ATL1: variants seen among roughly 807,000 people sequenced by gnomAD.
ATL1 encodes the protein atlastin GTPase 1, also known as atlastin-1.
In ATL1, 31 loss-of-function variants were observed where a neutral mutation model predicts 75.5. That is an observed-to-expected ratio of 0.41 (90% CI 0.31 to 0.55). ATL1 has a LOEUF of 0.55. Among genes scored for constraint, ATL1 ranks in the 20% least tolerant of loss-of-function variants. ATL1 has a pLI of 0.27. For missense variants in ATL1, 405 were observed against 662.6 expected (o/e 0.61, Z 4.27); for synonymous variants, 226 against 233.3 (o/e 0.97, Z 0.28).
chr14:50,562,076 G>T (rs2038852423), intron 1 of ATL1, among the ~76,000 whole-genome samples: 1 of 150,730 alleles, frequency 6.6e-6, no homozygotes, highest in Non-Finnish European at 1.5e-5. Flanking sequence ...ATGGAGTCTT[G>T]CTCTGTCGCC....
At chr14:50,591,420 T>C (rs2039156802) in intron 3 of ATL1, 115 bp from the exon 4 acceptor site, 4 of 719,038 alleles carry the variant, frequency 5.6e-6, no homozygotes, top group Non-Finnish European at 9.5e-6. Flanking sequence ...TAAGAAATTA[T>C]CTAAAATAGT....
chr14:50,595,489 C>A, intron 5 of ATL1, 87 bp from the exon 6 acceptor site: 1 of 1,251,858 alleles, frequency 8.0e-7, no homozygotes, highest in Non-Finnish European at 1.2e-6. Flanking sequence ...GAAAGAAAGC[C>A]AAGAATTAAA....
upstream of ATL1, chr14:50,559,547 A>G (rs556109114): frequency 1.2e-3 from 181 of 152,374 alleles, no homozygotes; most frequent in South Asian, 4.6e-3. Flanking sequence ...ATAGGTCTGG[A>G]CCTTATCTTT....
At chr14:50,596,065 A>T (rs1364195424) in intron 6 of ATL1, among the ~76,000 whole-genome samples, 1 of 152,228 alleles carries the variant, frequency 6.6e-6, no homozygotes, top group Non-Finnish European at 1.5e-5. Flanking sequence ...GATCAGGCAC[A>T]TACTAAGTGA....
upstream of ATL1, among the ~76,000 whole-genome samples, chr14:50,555,247 A>G (rs2038751348): frequency 6.9e-6 from 1 of 144,928 alleles, no homozygotes; most frequent in South Asian, 2.3e-4. Context: ...GGCATGAAGA[A>G]CTTTAGTTCC....
intron 12 of ATL1, 123 bp downstream of exon 12, chr14:50,628,585 G>A (rs1483092875): frequency 1.0e-6 from 1 of 962,866 alleles, no homozygotes; most frequent in African/African-American, 1.6e-5. Flanking sequence ...CATCAAGAAT[G>A]TTATGACCTG....
intron 6 of ATL1, among the ~76,000 whole-genome samples, chr14:50,605,346 A>G (rs577602246): frequency 7.2e-4 from 109 of 152,102 alleles, no homozygotes; most frequent in African/African-American, 2.5e-3. Context: ...AAGGACCACA[A>G]ATTTGTCTTG....
chr14:50,581,033 T>A (rs1475513562), intron 1 of ATL1, among the ~76,000 whole-genome samples: 3 of 151,908 alleles, frequency 2.0e-5, no homozygotes, highest in Non-Finnish European at 4.4e-5. Flanking sequence ...ATCTATAGTA[T>A]CTTTTTTTAT....
intron 1 of ATL1, among the ~76,000 whole-genome samples, chr14:50,568,020 A>G (rs115563284): frequency 0.012 from 1,790 of 152,232 alleles, 34 homozygotes; most frequent in African/African-American, 0.041. Flanking sequence ...GTGTTGTTCA[A>G]GTTCTCTATT....
intron 1 of ATL1, among the ~76,000 whole-genome samples, chr14:50,537,683 G>A (rs989948021): frequency 1.1e-4 from 17 of 152,364 alleles, no homozygotes; most frequent in African/African-American, 4.1e-4. Context: ...TGACTTAGAT[G>A]TGAGACATGG....
intron 1 of ATL1, among the ~76,000 whole-genome samples, chr14:50,581,961 A>G (rs887178239): frequency 1.3e-5 from 2 of 152,194 alleles, no homozygotes; most frequent in African/African-American, 2.4e-5. Flanking sequence ...TGGTACTAAT[A>G]TCACAATAGC....
At chr14:50,547,030 G>C (rs1217069441) in intron 1 of ATL1, among the ~76,000 whole-genome samples, 6 of 152,066 alleles carry the variant, frequency 3.9e-5, no homozygotes. Context: ...TCACTCATAA[G>C]TGGGAGTTGA....
chr14:50,584,495 A>G (rs1166890930), intron 1 of ATL1, among the ~76,000 whole-genome samples: 1 of 152,222 alleles, frequency 6.6e-6, no homozygotes, highest in Non-Finnish European at 1.5e-5. Context: ...CGAGGTCAGG[A>G]GATCGAGACC....
At chr14:50,565,176 G>A (rs756543508) in intron 1 of ATL1, among the ~76,000 whole-genome samples, 36 of 152,116 alleles carry the variant, frequency 2.4e-4, no homozygotes, top group Non-Finnish European at 3.4e-4. Flanking sequence ...TGTAGTCCCA[G>A]CTACTTGGGA....
chr14:50,599,996 T>A (rs913646483), intron 6 of ATL1, among the ~76,000 whole-genome samples: 2 of 149,860 alleles, frequency 1.3e-5, no homozygotes, highest in East Asian at 1.9e-4. Context: ...TTTTTTTTTT[T>A]ATCATTTGTT....
intron 6 of ATL1, among the ~76,000 whole-genome samples, chr14:50,602,620 C>A (rs1183565821): frequency 6.6e-6 from 1 of 151,988 alleles, no homozygotes; most frequent in Admixed American, 6.6e-5. Context: ...GGCCGGTCTG[C>A]AAAATCCTGT....
intron 1 of ATL1, among the ~76,000 whole-genome samples, chr14:50,578,892 G>T (rs1387396392): frequency 1.3e-5 from 2 of 152,180 alleles, no homozygotes; most frequent in Non-Finnish European, 2.9e-5. Flanking sequence ...GCAGCCCAAA[G>T]ATGCTGTATC....
At chr14:50,596,083 C>T (rs1032048018) in intron 6 of ATL1, among the ~76,000 whole-genome samples, 2 of 152,068 alleles carry the variant, frequency 1.3e-5, no homozygotes, top group African/African-American at 2.4e-5. Context: ...TGAAGGAAAA[C>T]AAGTGTCTAT....
intron 2 of ATL1, among the ~76,000 whole-genome samples, chr14:50,589,868 C>T (rs529515642): frequency 6.6e-6 from 1 of 152,214 alleles, no homozygotes; most frequent in South Asian, 2.1e-4. Flanking sequence ...TCCCAAATTC[C>T]TCTGCATTCG....
Sources: allele counts gnomAD v4.1 joint callset (sites outside exome capture counted in the v4.1 genomes callset), GRCh38; gene constraint gnomAD v4.1.1; transcripts MANE v1.5; gene names NCBI Gene and HGNC (gene_info 2026-07-23, HGNC 2026-07-21).